Variants in JMJD1C observed in about 807,000 individuals in gnomAD.
The protein encoded by JMJD1C is jumonji domain containing 1C, also known as jumonji domain-containing protein 1C.
In JMJD1C, 31 loss-of-function variants were observed where a neutral mutation model predicts 245.3. That is an observed-to-expected ratio of 0.13 (90% CI 0.09 to 0.17). The LOEUF is 0.17. Ranked by LOEUF, JMJD1C falls within the 10% of genes least tolerant of loss-of-function variation. The pLI, the probability that JMJD1C is intolerant of heterozygous loss-of-function variation, is 1.00. For synonymous variants in JMJD1C, 1,057 were observed against 1,017.4 expected, an observed-to-expected ratio of 1.04 and a Z score of -0.74; for missense variants, 2,691 against 3,000.2, an observed-to-expected ratio of 0.90 and a Z score of 2.41.
chr10:63,290,292 G>A (rs929455000), intron 2 of JMJD1C, among the ~76,000 whole-genome samples: 2 of 152,202 alleles, frequency 1.3e-5, no homozygotes, highest in Non-Finnish European at 2.9e-5. Context: ...ATGGTGGCCA[G>A]GCGCGGTGGC....
intron 1 of JMJD1C, among the ~76,000 whole-genome samples, chr10:63,388,250 C>T (rs577114662): frequency 6.5e-4 from 98 of 151,638 alleles, no homozygotes; most frequent in Non-Finnish European, 1.2e-3. Flanking sequence ...ACTATCTAGT[C>T]ACTTATTAAT....
intron 2 of JMJD1C, among the ~76,000 whole-genome samples, chr10:63,299,654 T>G (rs999771912): frequency 6.6e-6 from 1 of 152,096 alleles, no homozygotes; most frequent in Non-Finnish European, 1.5e-5. Flanking sequence ...TGCCCATAGT[T>G]TTTGTATAAA....
intron 2 of JMJD1C, among the ~76,000 whole-genome samples, chr10:63,310,604 T>A (rs763154601): frequency 6.6e-6 from 1 of 152,218 alleles, no homozygotes; most frequent in Non-Finnish European, 1.5e-5. Context: ...AGAAGATATA[T>A]GAAATTAACT....
chr10:63,415,207 T>C (rs934927192), intron 1 of JMJD1C, among the ~76,000 whole-genome samples: 3 of 152,140 alleles, frequency 2.0e-5, no homozygotes, highest in African/African-American at 7.2e-5. Flanking sequence ...TAATATATAA[T>C]ATCACAGGTA....
chr10:63,493,977 G>C (rs1311235874), intron 1 of JMJD1C, among the ~76,000 whole-genome samples: 4 of 152,214 alleles, frequency 2.6e-5, no homozygotes, highest in Non-Finnish European at 4.4e-5. Context: ...GCAGGAAGTA[G>C]GGTATATGAT....
At chr10:63,331,677 A>G (rs1474103603) in intron 2 of JMJD1C, among the ~76,000 whole-genome samples, 1 of 152,180 alleles carries the variant, frequency 6.6e-6, no homozygotes, top group Non-Finnish European at 1.5e-5. Context: ...CAGTGGTGCA[A>G]TCTCAGCTCA....
intron 1 of JMJD1C, among the ~76,000 whole-genome samples, chr10:63,401,373 T>C (rs1948844965): frequency 6.6e-6 from 1 of 152,168 alleles, no homozygotes; most frequent in South Asian, 2.1e-4. Flanking sequence ...AATTGTTGTG[T>C]TTAATGTAAA....
intron 2 of JMJD1C, among the ~76,000 whole-genome samples, chr10:63,358,054 G>A (rs1031487314): frequency 1.3e-5 from 2 of 151,964 alleles, no homozygotes; most frequent in South Asian, 4.1e-4. Flanking sequence ...ATGGCTTGCT[G>A]TTCTTGGCTG....
chr10:63,261,074 G>A (rs1854670828), intron 3 of JMJD1C, among the ~76,000 whole-genome samples: 2 of 152,118 alleles, frequency 1.3e-5, no homozygotes, highest in South Asian at 4.1e-4. Flanking sequence ...CCTAAAAGGA[G>A]GAAGTAGAAA....
chr10:63,270,639 T>C (rs1329316972), intron 2 of JMJD1C, among the ~76,000 whole-genome samples: 1 of 152,136 alleles, frequency 6.6e-6, no homozygotes, highest in East Asian at 1.9e-4. Flanking sequence ...GCTAACTCTT[T>C]GTATTTTTTG....
At chr10:63,181,183 G>C (rs1411405451) in intron 22 of JMJD1C, among the ~76,000 whole-genome samples, 1 of 152,104 alleles carries the variant, frequency 6.6e-6, no homozygotes, top group African/African-American at 2.4e-5. Flanking sequence ...CTTATAGAGA[G>C]TTTGAAATGT....
At chr10:63,351,418 T>A (rs182295904) in intron 2 of JMJD1C, among the ~76,000 whole-genome samples, 6 of 152,282 alleles carry the variant, frequency 3.9e-5, no homozygotes, top group Non-Finnish European at 8.8e-5. Context: ...CCAATCATAA[T>A]CTAACGTGAA....
intron 2 of JMJD1C, among the ~76,000 whole-genome samples, chr10:63,281,846 A>T (rs1049797207): frequency 2.6e-5 from 4 of 152,046 alleles, no homozygotes; most frequent in African/African-American, 2.4e-5. Context: ...AATCAACTCA[A>T]CCATAAAAGC....
intron 2 of JMJD1C, among the ~76,000 whole-genome samples, chr10:63,306,010 A>C (rs898778250): frequency 6.6e-5 from 10 of 152,112 alleles, no homozygotes; most frequent in Non-Finnish European, 1.5e-4. Flanking sequence ...GGTGTGAGCT[A>C]CTGTGCCCGG....
chr10:63,231,591 C>G (rs1466121895), intron 3 of JMJD1C, among the ~76,000 whole-genome samples: 1 of 152,008 alleles, frequency 6.6e-6, no homozygotes, highest in East Asian at 1.9e-4. Flanking sequence ...GTCAGGAGTT[C>G]GAGATCAGCC....
intron 1 of JMJD1C, among the ~76,000 whole-genome samples, chr10:63,475,053 G>T (rs892747004): frequency 1.3e-5 from 2 of 152,098 alleles, no homozygotes; most frequent in African/African-American, 4.8e-5. Context: ...ATGGTTAAGC[G>T]AGTATAAAAT....
chr10:63,501,448 T>C (rs1954557273), intron 1 of JMJD1C, among the ~76,000 whole-genome samples: 1 of 152,206 alleles, frequency 6.6e-6, no homozygotes, highest in South Asian at 2.1e-4. Flanking sequence ...GTACTAACTC[T>C]ATTATTCTGT....
intron 3 of JMJD1C, among the ~76,000 whole-genome samples, chr10:63,228,085 CATGA>C (rs964529751): frequency 1.3e-5 from 2 of 152,118 alleles, no homozygotes; most frequent in African/African-American, 4.8e-5. Flanking sequence ...CATGTATTTT[CATGA>C]ATTATAATAA....
intron 2 of JMJD1C, among the ~76,000 whole-genome samples, chr10:63,271,268 G>A (rs1036800295): frequency 4.6e-5 from 7 of 151,874 alleles, no homozygotes; most frequent in Admixed American, 1.3e-4. Context: ...CTGCCCCCGT[G>A]GGGATTCAAG....
Sources: gnomAD v4.1 joint callset for allele counts (sites outside exome capture counted in the v4.1 genomes callset) on GRCh38, gnomAD v4.1.1 for gene constraint, MANE v1.5 for transcripts, NCBI Gene and HGNC (gene_info 2026-07-23, HGNC 2026-07-21) for gene names.